Variants in ATP7A observed in about 807,000 individuals in gnomAD.
ATP7A encodes the protein copper-transporting ATPase 1.
A neutral mutation model predicts 83.5 loss-of-function variants in ATP7A; 7 were observed. The ratio of observed to expected loss-of-function variants is 0.08; its 90% CI spans 0.05 to 0.16. The LOEUF (loss-of-function observed/expected upper bound fraction) is 0.16, where lower values mean the gene tolerates loss of function less well. ATP7A is among the 10% of genes least tolerant of loss of function. The pLI, the probability that ATP7A is intolerant of heterozygous loss-of-function variation, is 1.00. For synonymous variants in ATP7A, 354 were observed against 395.2 expected (o/e 0.90, Z 1.24); for missense variants, 940 against 1,120.8 (o/e 0.84, Z 2.30).
chrX:77,998,664 G>A lies in ATP7A; in HGVS notation c.1523G>A (p.Arg508Gln). 1.7e-6 allele frequency: 2 copies of A among 1,211,390 alleles called. No homozygotes were observed. Among genetic ancestry groups the A allele is most frequent in the African/African-American group, 1.7e-5 (1 of 57,749 alleles). Residue 508 changes from arginine (R) to glutamine (Q), a missense_variant, in exon 5 of 23, where the codon CGG becomes CAG. By Grantham distance (43) the Arg-to-Gln change is conservative (BLOSUM62 1). Coordinates refer to ENST00000341514, the MANE Select transcript of ATP7A (RefSeq NM_000052.7). ...GCTTCCTGTGTAGCAAACATTGAAC[G>A]GAATTTAAGGCGGGAAGAAGGTGAG... ...TCASCVANIE[R>Q]NLRREEGIYS...
At position 77,989,587 on chromosome X, in the gene ATP7A, A is replaced by G; in HGVS notation, c.965A>G (p.Asn322Ser). The part of the protein sequence containing the change: ...LENRSAIVKY[N>S]ASSVTPESLR... Reference sequence around the variant, plus strand: ...AATAGGTCTGCCATTGTGAAGTATAATGCAAGCTCAGTCACTCCAGAATCC... The same window carrying G: ...AATAGGTCTGCCATTGTGAAGTATAGTGCAAGCTCAGTCACTCCAGAATCC... Residue 322 changes from asparagine to serine, a missense_variant, in exon 4 of 23, where the codon AAT (asparagine) becomes AGT (serine). This residue lies in a region of ATP7A where 350 missense variants were observed against 432.8 expected (regional missense o/e 0.81). Transcript: ENST00000341514. 1 of 1,211,858 alleles carries G rather than the reference A, an allele frequency of 8.3e-7. No homozygotes were observed. The highest frequency in any genetic ancestry group is 1.1e-6 in the Non-Finnish European group (1 of 895,493).
At chrX:77,979,107 C>T (rs1289413544) in intron 2 of ATP7A, among the ~76,000 whole-genome samples, 1 of 111,440 alleles carries the variant, frequency 9.0e-6, no homozygotes, top group Non-Finnish European at 1.9e-5. Context: ...GCTGGGATTA[C>T]AGGTGTGAGC....
chrX:77,971,365 T>A (rs782549937), intron 1 of ATP7A, among the ~76,000 whole-genome samples: 24 of 112,573 alleles, frequency 2.1e-4, no homozygotes, highest in Non-Finnish European at 3.9e-4. Context: ...TTACTTGTAT[T>A]AAAGTATTGA....
chrX:78,020,168 A>C (rs782605735), intron 12 of ATP7A, 76 bp from the exon 13 acceptor site: 2 of 1,080,003 alleles, frequency 1.9e-6, no homozygotes, highest in East Asian at 6.0e-5. Flanking sequence ...GATATTTTTG[A>C]CAAGTAACAA....
chrX:78,038,714 G>A (rs2078029011), intron 17 of ATP7A, 122 bp from the exon 18 acceptor site: 1 of 791,943 alleles, frequency 1.3e-6, no homozygotes, highest in East Asian at 3.2e-5. Flanking sequence ...ACTGTTGGAG[G>A]CTATGTTCTA....
intron 2 of ATP7A, among the ~76,000 whole-genome samples, chrX:77,978,046 G>A (rs1237219948): frequency 1.8e-5 from 2 of 111,345 alleles, no homozygotes; most frequent in Non-Finnish European, 3.8e-5. Context: ...AGGAGTATCA[G>A]CAATGTGTTT....
intron 5 of ATP7A, among the ~76,000 whole-genome samples, chrX:78,001,570 A>G (rs183954814): frequency 4.3e-4 from 48 of 111,674 alleles, no homozygotes; most frequent in Non-Finnish European, 6.6e-4. Context: ...ATTTGTACCC[A>G]TTAACCATCC....
At chrX:78,043,891 C>G (rs1381885358) in intron 21 of ATP7A, among the ~76,000 whole-genome samples, 2 of 105,874 alleles carry the variant, frequency 1.9e-5, no homozygotes, top group East Asian at 6.2e-4. Flanking sequence ...CTCCTGACTT[C>G]AGGTAATCCA....
intron 4 of ATP7A, among the ~76,000 whole-genome samples, chrX:77,991,660 G>A (rs781811768): frequency 6.7e-4 from 75 of 111,332 alleles, no homozygotes; most frequent in South Asian, 1.1e-3. Context: ...CAAAGTAGCT[G>A]TTCCATTTTA....
intron 1 of ATP7A, among the ~76,000 whole-genome samples, chrX:77,932,769 G>A (rs1234462346): frequency 3.6e-5 from 4 of 112,651 alleles, no homozygotes; most frequent in Admixed American, 1.9e-4. Flanking sequence ...GTCAGGTGTG[G>A]CAGCGCGCGC....
chrX:78,037,980 GTTTTT>G (rs782643561), intron 17 of ATP7A, among the ~76,000 whole-genome samples: 5 of 51,220 alleles, frequency 9.8e-5, no homozygotes, highest in Non-Finnish European at 1.3e-4. Flanking sequence ...ATCAAGAAAG[GTTTTT>G]TTTTTTTTTT....
intron 12 of ATP7A, among the ~76,000 whole-genome samples, chrX:78,017,244 G>T (rs1557235261): frequency 1.8e-5 from 2 of 112,395 alleles, no homozygotes; most frequent in Admixed American, 9.4e-5. Context: ...ACCCCTTTTA[G>T]CCATGACTGG....
At chrX:77,962,867 C>G in intron 1 of ATP7A, 1 of 369,762 alleles carries the variant, frequency 2.7e-6, no homozygotes, top group Non-Finnish European at 5.4e-6. Flanking sequence ...TGAAAGAATG[C>G]TGTGATTCTT....
intron 1 of ATP7A, among the ~76,000 whole-genome samples, chrX:77,945,467 A>G (rs2077374178): frequency 8.9e-6 from 1 of 112,441 alleles, no homozygotes; most frequent in African/African-American, 3.2e-5. Context: ...GGTGTGAGCC[A>G]CTATGCCTGG....
At chrX:78,019,083 C>A (rs916735512) in intron 12 of ATP7A, among the ~76,000 whole-genome samples, 1 of 112,056 alleles carries the variant, frequency 8.9e-6, no homozygotes, top group Non-Finnish European at 1.9e-5. Flanking sequence ...CAGAGCCAAA[C>A]CGTATCAACT....
chrX:78,045,585 G>C lies in ATP7A; in HGVS notation c.4226+13G>C. On this transcript the variant is annotated intron_variant, in intron 22 of 22. Coordinates refer to ENST00000341514, the MANE Select transcript of ATP7A (RefSeq NM_000052.7). ...TCTTCCTTAAACTGTAAGTATGATA[G>C]CTTGCTCACATTTGTATTTTGTATT... The C allele has an allele frequency of 1.7e-6, 2 of 1,160,036 alleles. No individual in the cohort carries two copies. The highest frequency in any genetic ancestry group is 2.4e-6 in the Non-Finnish European group (2 of 848,971).
At chrX:77,917,801 G>A (rs911904430) in intron 1 of ATP7A, among the ~76,000 whole-genome samples, 1 of 111,859 alleles carries the variant, frequency 8.9e-6, no homozygotes, top group Non-Finnish European at 1.9e-5. Flanking sequence ...GAAGCATCTG[G>A]TCAGTTTTAG....
rs1569549338 is a variant in ATP7A, at chrX:77,969,290, G to A, written c.-21-2331G>A. 9.1e-6 allele frequency: 11 copies of A among 1,211,208 alleles called. No individual in the cohort carries two copies. Among genetic ancestry groups the A allele is most frequent in the South Asian group, 1.8e-5 (1 of 56,966 alleles). On this transcript the variant is annotated intron_variant, in intron 1 of 22. Transcript: ENST00000341514. ...GGAGGTGGTGGGACATCATAGGAGC[G>A]CCTCCAGATCTTCACCTGGGCCTCA...
rs188438727 is a variant in ATP7A, at chrX:77,950,704, A to G, written c.-21-20917A>G. Reference sequence around the variant, plus strand: ...CTGGCATATATATTTTTTGAGATATAATTTAACATACCATAAATTCATTAA... The same window carrying G: ...CTGGCATATATATTTTTTGAGATATGATTTAACATACCATAAATTCATTAA... On this transcript the variant is annotated intron_variant, in intron 1 of 22. Transcript: ENST00000341514. Among the ~76,000 whole-genome samples the G allele has an allele frequency of 8.1e-5, 9 of 111,439 alleles. No homozygotes were observed. The East Asian group carries it at 2.5e-3, about 31-fold the overall frequency.
Sources: gnomAD v4.1 joint callset for allele counts (sites outside exome capture counted in the v4.1 genomes callset) on GRCh38, gnomAD v4.1.1 for gene constraint, gnomAD v4.1.1 regional missense constraint, MANE v1.5 for transcripts, NCBI Gene and HGNC (gene_info 2026-07-23, HGNC 2026-07-21) for gene names.